The following KIRREL3 variants were observed in gnomAD, a reference collection of about 807,000 sequenced individuals.
KIRREL3 encodes kirre like nephrin family adhesion molecule 3, also known as kin of IRRE-like protein 3.
Under a neutral mutation model 89.7 loss-of-function variants are expected in KIRREL3, and 36 were observed. The ratio of observed to expected loss-of-function variants is 0.40; its 90% CI spans 0.31 to 0.53. KIRREL3 has a LOEUF of 0.53. KIRREL3 is among the 20% of genes least tolerant of loss of function. The probability of loss-of-function intolerance (pLI) is 0.49; values close to 1 mark genes in which losing one functional copy is unlikely to be tolerated. For missense variants in KIRREL3, 864 were observed against 1,056.6 expected (o/e 0.82, Z 2.53); for synonymous variants, 445 against 441.4 (o/e 1.01, Z -0.10).
At chr11:126,728,871 C>T (rs1390388075) in intron 1 of KIRREL3, among the ~76,000 whole-genome samples, 1 of 152,228 alleles carries the variant, frequency 6.6e-6, no homozygotes, top group Non-Finnish European at 1.5e-5. Context: ...ATTCCCTGCA[C>T]CCCACAGACG....
At chr11:126,466,141 C>A (rs537331470) in intron 5 of KIRREL3, among the ~76,000 whole-genome samples, 6 of 152,156 alleles carry the variant, frequency 3.9e-5, no homozygotes, top group Non-Finnish European at 7.3e-5. Context: ...CTGCACCCAG[C>A]GTGCTCCTCC....
In KIRREL3 at chr11:126,566,541, C is replaced by A. The variant is rs995362675; in HGVS notation, c.56-3629G>T. Among the ~76,000 whole-genome samples the A allele has an allele frequency of 6.6e-6, 1 of 152,198 alleles. No homozygotes were observed. The highest frequency in any genetic ancestry group is 1.5e-5 in the Non-Finnish European group (1 of 68,030). ...TCAGAATGAAAATAAGTGGGCTTCA[C>A]TGTAGCACAATGGGTTTAGGTTAGC... is the stretch of plus-strand genomic sequence containing the variant. On this transcript the variant is annotated intron_variant, in intron 1 of 16. Transcript: ENST00000525144. This position sits in a 1 kb window ranked among gnomAD's most constrained non-coding sequence, Gnocchi z 4.9.
At position 126,515,505 on chromosome 11, in the gene KIRREL3, T is replaced by A. The variant is rs1442630970; in HGVS notation, c.433+5810A>T. On this transcript the variant is annotated intron_variant, in intron 4 of 16. Transcript: ENST00000525144. This position sits in a 1 kb window ranked among gnomAD's most constrained non-coding sequence, Gnocchi z 4.2. ...ACCACAGGGGGACAGTCAGGCCATGTGGGCTCCAGAGAAGGCTTCCTGGAG... is the reference window on the plus strand; with the variant it reads ...ACCACAGGGGGACAGTCAGGCCATGAGGGCTCCAGAGAAGGCTTCCTGGAG... Among the ~76,000 whole-genome samples, 1 of 152,174 alleles carries A rather than the reference T, an allele frequency of 6.6e-6. No individual in the cohort carries two copies. The highest frequency in any genetic ancestry group is 1.9e-4 in the East Asian group (1 of 5,188).
chr11:126,610,602 T>C lies in KIRREL3; in HGVS notation c.56-47690A>G, dbSNP rs916182298. 1 of 152,206 alleles carries C rather than the reference T, an allele frequency of 6.6e-6. No homozygotes were observed. The highest frequency in any genetic ancestry group is 1.9e-4 in the East Asian group (1 of 5,190). 9.4% of individuals were successfully genotyped at this position (152,206 alleles called of 1,614,324 possible). ...CAAATGCCAGGCACTGGGGCTATAA[T>C]CACATGGGGAGAAGGAGCCAACCGT... On this transcript the variant is annotated intron_variant, in intron 1 of 16. Transcript: ENST00000525144. The surrounding 1 kb of genome is among the most constrained non-coding windows in gnomAD (Gnocchi z 4.6).
At chr11:126,596,449 C>T (rs974789261) in intron 1 of KIRREL3, among the ~76,000 whole-genome samples, 2 of 152,204 alleles carry the variant, frequency 1.3e-5, no homozygotes, top group Middle Eastern at 3.2e-3. Flanking sequence ...GAGGGAAGTG[C>T]CAGACTCTAG....
At position 126,594,995 on chromosome 11, in the gene KIRREL3, G is replaced by A. The variant is rs566419472; in HGVS notation, c.56-32083C>T. Among the ~76,000 whole-genome samples, 7 of 152,346 alleles carry A rather than the reference G, an allele frequency of 4.6e-5. No homozygotes were observed. Among genetic ancestry groups the A allele is most frequent in the East Asian group, 1.9e-4 (1 of 5,176 alleles). On this transcript the variant is annotated intron_variant, in intron 1 of 16. Coordinates refer to ENST00000525144, the MANE Select transcript of KIRREL3 (RefSeq NM_032531.4). The surrounding 1 kb of genome is among the most constrained non-coding windows in gnomAD (Gnocchi z 5.0). ...TCAGGGGCCTTCTGGGTTGTGAGGCGTGGGGCACCCCGTCCTGAGCGTGCC... is the reference window on the plus strand; with the variant it reads ...TCAGGGGCCTTCTGGGTTGTGAGGCATGGGGCACCCCGTCCTGAGCGTGCC...
chr11:126,970,088 C>T lies in KIRREL3; in HGVS notation c.55+30367G>A, dbSNP rs561837871. Among the ~76,000 whole-genome samples the T allele has an allele frequency of 3.3e-5, 5 of 152,180 alleles. No homozygotes were observed. The highest frequency in any genetic ancestry group is 7.3e-5 in the Non-Finnish European group (5 of 68,034). On this transcript the variant is annotated intron_variant, in intron 1 of 16. Coordinates refer to ENST00000525144, the MANE Select transcript of KIRREL3 (RefSeq NM_032531.4). The surrounding 1 kb of genome is among the most constrained non-coding windows in gnomAD (Gnocchi z 4.4). ...GCTGCCCTAGGTTGTCACCTAGGGACGGAACAGGAAAATGCAGCCTCTCTA... is the reference window on the plus strand; with the variant it reads ...GCTGCCCTAGGTTGTCACCTAGGGATGGAACAGGAAAATGCAGCCTCTCTA...
At position 126,686,216 on chromosome 11, in the gene KIRREL3, G is replaced by A. The variant is rs1490621509; in HGVS notation, c.56-123304C>T. ...CACCCACCTGCAGGGGCTTTCTCAC[G>A]TGTGGCGCGGGTGTGGAGGCAGGTC... On this transcript the variant is annotated intron_variant, in intron 1 of 16. Transcript: ENST00000525144. This position sits in a 1 kb window ranked among gnomAD's most constrained non-coding sequence, Gnocchi z 4.7. Among the ~76,000 whole-genome samples the A allele has an allele frequency of 6.6e-6, 1 of 152,212 alleles. No individual in the cohort carries two copies. The highest frequency in any genetic ancestry group is 1.5e-5 in the Non-Finnish European group (1 of 68,036).
chr11:126,724,070 C>T lies in KIRREL3; in HGVS notation c.56-161158G>A, dbSNP rs1454804431. Among the ~76,000 whole-genome samples, 3 of 152,166 alleles carry T rather than the reference C, an allele frequency of 2.0e-5. No individual in the cohort carries two copies. The highest frequency in any genetic ancestry group is 2.9e-5 in the Non-Finnish European group (2 of 68,030). On this transcript the variant is annotated intron_variant, in intron 1 of 16. Transcript: ENST00000525144. The surrounding 1 kb of genome is among the most constrained non-coding windows in gnomAD (Gnocchi z 4.3). ...GTTCCATTTGAGCCTTTTTGTCTTG[C>T]TTGGCTCTTTGTCAAAACCAAGTCT...
Position 126,555,144 on chromosome 11 carries a change from G to T in KIRREL3, c.133+7691C>A, listed in dbSNP as rs1684101439. ...TGGGTGCCGAGAGGGCAGGAGCTTG[G>T]ACACTGCTGTGGGGCCGCACAGAGC... On this transcript the variant is annotated intron_variant, in intron 2 of 16. Coordinates refer to ENST00000525144, the MANE Select transcript of KIRREL3 (RefSeq NM_032531.4). The surrounding 1 kb of genome is among the most constrained non-coding windows in gnomAD (Gnocchi z 4.2). Among the ~76,000 whole-genome samples, 1 of 152,184 alleles carries T rather than the reference G, an allele frequency of 6.6e-6. No homozygotes were observed. The highest frequency in any genetic ancestry group is 2.1e-4 in the South Asian group (1 of 4,824).
rs561238104 is a variant in KIRREL3 at position 126,618,205 on chromosome 11, C to A, written c.56-55293G>T. Among the ~76,000 whole-genome samples the A allele has an allele frequency of 7.2e-5, 11 of 152,322 alleles. No individual in the cohort carries two copies. The South Asian group carries it at 1.2e-3, about 17-fold the overall frequency. On this transcript the variant is annotated intron_variant, in intron 1 of 16. Transcript: ENST00000525144. Reference sequence around the variant, plus strand: ...TGCCATGATTGTAAGTTTCCTGAGGCCTCAGCTAGGCTGAGGCAGATTTAT... The same window carrying A: ...TGCCATGATTGTAAGTTTCCTGAGGACTCAGCTAGGCTGAGGCAGATTTAT...
rs139824842 is a variant in KIRREL3 at position 126,635,318 on chromosome 11, C to T, written c.56-72406G>A. ...CTCCCAGTCCAGAGCAAATCACGGT[C>T]TCCATGTTTTTCCTCCCTGGTCCCA... On this transcript the variant is annotated intron_variant, in intron 1 of 16. Coordinates refer to ENST00000525144, the MANE Select transcript of KIRREL3 (RefSeq NM_032531.4). The surrounding 1 kb of genome is among the most constrained non-coding windows in gnomAD (Gnocchi z 4.0). Among the ~76,000 whole-genome samples the T allele has an allele frequency of 5.1e-4, 78 of 152,350 alleles. 2 individuals carry two copies. Among genetic ancestry groups the T allele is most frequent in the African/African-American group, 1.9e-3 (78 of 41,582 alleles).
Position 126,768,905 on chromosome 11 carries a change from C to T in KIRREL3, c.56-205993G>A, listed in dbSNP as rs570727163. ...AGAAGGCGATGTTGCTTCCCACATG[C>T]GTGGGAGCCGGTGAAGTGTTGTAAG... On this transcript the variant is annotated intron_variant, in intron 1 of 16. Coordinates refer to ENST00000525144, the MANE Select transcript of KIRREL3 (RefSeq NM_032531.4). The surrounding 1 kb of genome is among the most constrained non-coding windows in gnomAD (Gnocchi z 4.5). Among the ~76,000 whole-genome samples, 2 of 152,290 alleles carry T rather than the reference C, an allele frequency of 1.3e-5. No homozygotes were observed. Among genetic ancestry groups the T allele is most frequent in the East Asian group, 1.9e-4 (1 of 5,182 alleles).
intron 1 of KIRREL3, among the ~76,000 whole-genome samples, chr11:126,934,672 T>C (rs1948102050): frequency 6.6e-6 from 1 of 152,020 alleles, no homozygotes; most frequent in Admixed American, 6.5e-5. Flanking sequence ...AAGAAAACAT[T>C]TGCAAAAGTC....
rs547303567 is a variant in KIRREL3 at position 126,575,899 on chromosome 11, G to A, written c.56-12987C>T. On this transcript the variant is annotated intron_variant, in intron 1 of 16. Coordinates refer to ENST00000525144, the MANE Select transcript of KIRREL3 (RefSeq NM_032531.4). This position sits in a 1 kb window ranked among gnomAD's most constrained non-coding sequence, Gnocchi z 7.0. ...TCCCCTCCTCTGGACACCACCCCCC[G>A]CCAACTGCCTTATTCATACCTCTTC... Among the ~76,000 whole-genome samples the A allele has an allele frequency of 2.6e-5, 4 of 152,000 alleles. No individual in the cohort carries two copies. Among genetic ancestry groups the A allele is most frequent in the African/African-American group, 9.7e-5 (4 of 41,442 alleles).
chr11:126,539,367 G>A (rs974322028), intron 2 of KIRREL3, among the ~76,000 whole-genome samples: 8 of 152,156 alleles, frequency 5.3e-5, no homozygotes, highest in Non-Finnish European at 1.0e-4. Flanking sequence ...GTGCCAAGAA[G>A]TTTGTACTTC....
rs1945060767 is a variant in KIRREL3, at chr11:126,870,155, G to A, written c.55+130300C>T. Among the ~76,000 whole-genome samples the A allele has an allele frequency of 6.6e-6, 1 of 152,178 alleles. No individual in the cohort carries two copies. Among genetic ancestry groups the A allele is most frequent in the African/African-American group, 2.4e-5 (1 of 41,436 alleles). On this transcript the variant is annotated intron_variant, in intron 1 of 16. Transcript: ENST00000525144. The surrounding 1 kb of genome is among the most constrained non-coding windows in gnomAD (Gnocchi z 4.4). ...AGGAGTGAGTGTGGGCGAGTGTGGG[G>A]CACAGGGTCGTATGTCCTGGGGCAG...
chr11:126,800,874 G>T (rs1460078598), intron 1 of KIRREL3, among the ~76,000 whole-genome samples: 1 of 152,206 alleles, frequency 6.6e-6, no homozygotes, highest in Non-Finnish European at 1.5e-5. Context: ...GGATGGTGGA[G>T]CAGAGTGGCT....
rs1947946261 is a variant in KIRREL3, at chr11:126,931,489, T to C, written c.55+68966A>G. Among the ~76,000 whole-genome samples, 2 of 152,172 alleles carry C rather than the reference T, an allele frequency of 1.3e-5. No individual in the cohort carries two copies. The highest frequency in any genetic ancestry group is 2.1e-4 in the South Asian group (1 of 4,832). ...TATTGTCTTCCAGGAACCCATAGCA[T>C]TGTGGCATCCAGACTTTGAGACAAT... On this transcript the variant is annotated intron_variant, in intron 1 of 16. Transcript: ENST00000525144. This position sits in a 1 kb window ranked among gnomAD's most constrained non-coding sequence, Gnocchi z 5.1.
Sources: allele counts gnomAD v4.1 joint callset (sites outside exome capture counted in the v4.1 genomes callset), GRCh38; gene constraint gnomAD v4.1.1; non-coding constraint Gnocchi (gnomAD v3.1); transcripts MANE v1.5; gene names NCBI Gene and HGNC (gene_info 2026-07-23, HGNC 2026-07-21).